USP4: variants seen among roughly 807,000 people sequenced by gnomAD.
USP4 encodes ubiquitin carboxyl-terminal hydrolase 4.
USP4 carries 72 observed loss-of-function variants against 118.2 expected under a neutral mutation model. The ratio of observed to expected loss-of-function variants is 0.61; its 90% confidence interval spans 0.50 to 0.74. The LOEUF is 0.74. Among genes scored for constraint, USP4 ranks in the 30% least tolerant of loss-of-function variants. The pLI is 0.00. For missense variants in USP4, 1,037 were observed against 1,185.7 expected, an observed-to-expected ratio of 0.87 and a Z score of 1.84; for synonymous variants, 415 against 440.4, an observed-to-expected ratio of 0.94 and a Z score of 0.72.
intron 9 of USP4, among the ~76,000 whole-genome samples, chr3:49,302,963 T>C (rs1292256872): frequency 6.6e-6 from 1 of 152,166 alleles, no homozygotes; most frequent in Admixed American, 6.6e-5. Flanking sequence ...ATACTGTCTG[T>C]CCAGTAATAC....
At chr3:49,316,484 T>A (rs1174931157) in intron 6 of USP4, among the ~76,000 whole-genome samples, 1 of 151,872 alleles carries the variant, frequency 6.6e-6, no homozygotes, top group Admixed American at 6.6e-5. Flanking sequence ...TATGCCTGGC[T>A]ATTTTTTTAT....
intron 6 of USP4, among the ~76,000 whole-genome samples, chr3:49,322,739 T>C (rs1389390378): frequency 1.3e-5 from 2 of 149,060 alleles, no homozygotes; most frequent in Non-Finnish European, 3.0e-5. Context: ...TGGGAGCTTG[T>C]AGTCCCAGCT....
At chr3:49,311,456 G>T in intron 7 of USP4, 58 bp downstream of exon 7, 3 of 1,589,896 alleles carry the variant, frequency 1.9e-6, no homozygotes, top group South Asian at 1.1e-5. Context: ...GAGCTCTCAA[G>T]ATACAGCCTG....
At chr3:49,321,723 G>T (rs144271998) in intron 6 of USP4, among the ~76,000 whole-genome samples, 1 of 152,042 alleles carries the variant, frequency 6.6e-6, no homozygotes, top group Non-Finnish European at 1.5e-5. Context: ...GCCGGGCGCC[G>T]TGGCTTATGC....
intron 16 of USP4, among the ~76,000 whole-genome samples, chr3:49,285,312 AAAAG>A (rs1303564157): frequency 6.6e-6 from 1 of 152,102 alleles, no homozygotes; most frequent in Non-Finnish European, 1.5e-5. Flanking sequence ...AGGAAAAAAA[AAAAG>A]AGACCCCTAC....
chr3:49,340,003 G>T lies in USP4; in HGVS notation c.22C>A (p.Arg8Ser), dbSNP rs143533593. MAEGGGC[R>S]ERPDAETQKS... is the part of the protein sequence containing the mutation. ...TGAGTCTCCGCATCCGGTCGCTCAC[G>T]GCAGCCTCCACCTTCCGCCATCTCC... The change falls in exon 1 of 22, where the codon CGT becomes AGT. Residue 8 changes from arginine (R) to serine (S), a missense_variant. Arg to Ser is a moderately radical substitution (Grantham distance 110, BLOSUM62 -1). Coordinates refer to ENST00000265560, the MANE Select transcript of USP4 (RefSeq NM_003363.4). 6.0e-5 allele frequency: 97 copies of T among 1,609,894 alleles called. No homozygotes were observed. The East Asian group carries it at 1.9e-3, about 32-fold the overall frequency.
intron 6 of USP4, among the ~76,000 whole-genome samples, chr3:49,322,812 G>A (rs56335316): frequency 1.3e-5 from 2 of 150,182 alleles, no homozygotes; most frequent in Non-Finnish European, 1.5e-5. Flanking sequence ...AGCTGAGATC[G>A]CACCATTGCA....
At chr3:49,284,828 C>A (rs928247062) in intron 17 of USP4, 21 bp downstream of exon 17, 1 of 1,612,058 alleles carries the variant, frequency 6.2e-7, no homozygotes, top group Non-Finnish European at 8.5e-7. Context: ...CACCACCGAC[C>A]ACGAACCCCG....
Position 49,325,032 on chromosome 3 carries a change from G to T in USP4, c.495C>A (p.Ile165=), listed in dbSNP as rs564412761. The change falls in exon 5 of 22, where the codon ATC becomes ATA. Residue 165 remains isoleucine, a synonymous_variant. Coordinates refer to ENST00000265560, the MANE Select transcript of USP4 (RefSeq NM_003363.4). ...TGAATAGCTTCCGCATCTCTTTCTCGATGGTTGCTAGGAACAGGCAGAAAT... is the reference window on the plus strand; with the variant it reads ...TGAATAGCTTCCGCATCTCTTTCTCTATGGTTGCTAGGAACAGGCAGAAAT... ...HFSKADTIAT[I]EKEMRKLFNI... The T allele has an allele frequency of 1.2e-6, 2 of 1,612,798 alleles. No individual in the cohort carries two copies. The highest frequency in any genetic ancestry group is 1.7e-6 in the Non-Finnish European group (2 of 1,179,668).
chr3:49,322,839 A>T (rs909304166), intron 6 of USP4, among the ~76,000 whole-genome samples: 1 of 151,428 alleles, frequency 6.6e-6, no homozygotes, highest in African/African-American at 2.4e-5. Flanking sequence ...CCTTGGCAAG[A>T]GAGTAAGACT....
intron 18 of USP4, 88 bp from the exon 19 acceptor site, chr3:49,284,224 T>C: frequency 6.5e-7 from 1 of 1,527,110 alleles, no homozygotes; most frequent in South Asian, 1.2e-5. Flanking sequence ...TGCAGTCCCC[T>C]GATAGCTGCC....
chr3:49,300,741 C>G, intron 10 of USP4, 50 bp from the exon 11 acceptor site: 3 of 1,550,102 alleles, frequency 1.9e-6, no homozygotes, highest in Non-Finnish European at 2.7e-6. Flanking sequence ...CAGCCCCTTG[C>G]CCCTGCATCC....
At chr3:49,287,661 C>T (rs752627644) in intron 15 of USP4, among the ~76,000 whole-genome samples, 35 of 152,198 alleles carry the variant, frequency 2.3e-4, no homozygotes, top group Middle Eastern at 3.4e-3. Context: ...TTAGTAGAGA[C>T]GGGGTTTCTC....
chr3:49,339,830 AT>A, intron 1 of USP4, 93 bp downstream of exon 1: 1 of 1,010,248 alleles, frequency 9.9e-7, no homozygotes, highest in South Asian at 1.4e-5. Flanking sequence ...ACTACATACC[AT>A]CCCCGCCCAG....
chr3:49,309,906 C>T lies in USP4; in HGVS notation c.954+714G>A, dbSNP rs370380658. On this transcript the variant is annotated intron_variant, in intron 8 of 21. Coordinates refer to ENST00000265560, the MANE Select transcript of USP4 (RefSeq NM_003363.4). ...CCTCCCAAAGTGCTGGGATTACAGGCGTGAGCCACAGTGCTGCCCCCGGAC... is the reference window on the plus strand; with the variant it reads ...CCTCCCAAAGTGCTGGGATTACAGGTGTGAGCCACAGTGCTGCCCCCGGAC... Among the ~76,000 whole-genome samples, 152 of 136,768 alleles carry T rather than the reference C, an allele frequency of 1.1e-3. No homozygotes were observed. The Middle Eastern group carries it at 0.024, about 21-fold the overall frequency. The allele number at this position is 136,768 out of a possible 152,430, so 89.7% of individuals were successfully genotyped here.
chr3:49,294,232 G>A (rs541386986), intron 14 of USP4, among the ~76,000 whole-genome samples, 175 bp downstream of exon 14: 3 of 152,108 alleles, frequency 2.0e-5, no homozygotes, highest in South Asian at 4.1e-4. Flanking sequence ...TGATCTGCCC[G>A]CCTTGGCCTT....
chr3:49,336,457 A>G (rs980857068), intron 1 of USP4, among the ~76,000 whole-genome samples: 4 of 151,986 alleles, frequency 2.6e-5, no homozygotes, highest in African/African-American at 9.7e-5. Context: ...TACATGCATG[A>G]GCTACCACAC....
intron 2 of USP4, among the ~76,000 whole-genome samples, chr3:49,332,603 C>T (rs937362263): frequency 6.6e-6 from 1 of 152,034 alleles, no homozygotes; most frequent in African/African-American, 2.4e-5. Flanking sequence ...AATCCCAGCA[C>T]TTTGAGAGGC....
intron 1 of USP4, among the ~76,000 whole-genome samples, chr3:49,338,372 C>T (rs1452463716): frequency 1.3e-5 from 2 of 151,924 alleles, no homozygotes; most frequent in East Asian, 3.9e-4. Flanking sequence ...AAAAGTACCT[C>T]TGCTAGGCCG....
Sources: allele counts gnomAD v4.1 joint callset (sites outside exome capture counted in the v4.1 genomes callset), GRCh38; gene constraint gnomAD v4.1.1; transcripts MANE v1.5; gene names NCBI Gene and HGNC (gene_info 2026-07-23, HGNC 2026-07-21).